SLC39A10: variants seen among roughly 807,000 people sequenced by gnomAD.
SLC39A10 encodes the protein solute carrier family 39 member 10.
A neutral mutation model predicts 65.1 loss-of-function variants in SLC39A10; 13 were observed. The observed-to-expected ratio is 0.20, with a 90% CI of 0.13 to 0.32. The LOEUF (loss-of-function observed/expected upper bound fraction) is 0.32, where lower values mean the gene tolerates loss of function less well. SLC39A10 is among the 10% of genes least tolerant of loss of function. The pLI, the probability that SLC39A10 is intolerant of heterozygous loss-of-function variation, is 1.00. For synonymous variants in SLC39A10, 321 were observed against 342.2 expected (o/e 0.94, Z 0.68); for missense variants, 831 against 1,018.4 (o/e 0.82, Z 2.50).
chr2:195,719,319 G>T (rs535609341), intron 8 of SLC39A10, among the ~76,000 whole-genome samples: 1 of 151,772 alleles, frequency 6.6e-6, no homozygotes, highest in Non-Finnish European at 1.5e-5. Flanking sequence ...TCTCCATCCC[G>T]ATTACGATGA....
intron 5 of SLC39A10, among the ~76,000 whole-genome samples, chr2:195,709,193 TTGTATGTATGTATGTATGTATGTATGTA>T (rs59346406): frequency 3.5e-5 from 5 of 144,916 alleles, no homozygotes; most frequent in Non-Finnish European, 6.0e-5. Flanking sequence ...CCCAGCTAAC[TTGTATGTATGTATGTATGTATGTATGTA>T]TGTATGTATG....
intron 1 of SLC39A10, among the ~76,000 whole-genome samples, chr2:195,663,791 C>CT (rs112204862): frequency 0.16 from 20,822 of 133,170 alleles, 1,781 homozygotes; most frequent in African/African-American, 0.24. Context: ...TAGTTTTTTT[C>CT]TTTTTTTTTT....
intron 3 of SLC39A10, among the ~76,000 whole-genome samples, chr2:195,689,014 C>T (rs1006520534): frequency 4.6e-5 from 7 of 152,098 alleles, no homozygotes; most frequent in Non-Finnish European, 2.9e-5. Context: ...TTTTCTGTGA[C>T]TCCACCTCTA....
chr2:195,675,613 C>T (rs1185445190), intron 1 of SLC39A10, among the ~76,000 whole-genome samples: 1 of 151,902 alleles, frequency 6.6e-6, no homozygotes, highest in East Asian at 1.9e-4. Context: ...TTTGAATCTT[C>T]AGTAGAGATG....
intron 8 of SLC39A10, among the ~76,000 whole-genome samples, chr2:195,722,060 TG>T (rs1401587720): frequency 8.5e-5 from 13 of 152,214 alleles, no homozygotes; most frequent in African/African-American, 3.1e-4. Context: ...GGGAAGCCCT[TG>T]ATACCCAATG....
At chr2:195,665,505 T>G (rs2105740032) in intron 1 of SLC39A10, among the ~76,000 whole-genome samples, 1 of 152,290 alleles carries the variant, frequency 6.6e-6, no homozygotes, top group East Asian at 1.9e-4. Context: ...AGACAAATGC[T>G]TGTGAAAATC....
rs1553509497 is a variant in SLC39A10 at position 195,737,224 on chromosome 2, A to AATCT, written c.*2184_*2187dup. On this transcript the variant is annotated 3_prime_UTR_variant, in exon 10 of 10. Coordinates refer to ENST00000359634, the MANE Select transcript of SLC39A10 (RefSeq NM_020342.3). ...TGTATAGTTTCAAGTCTTAATAGAC[A>AATCT]ATCTGAATTCCACTACATTTCTTTT... 1 of 152,654 alleles carries AATCT rather than the reference A, an allele frequency of 6.6e-6. No individual in the cohort carries two copies. Among genetic ancestry groups the AATCT allele is most frequent in the Non-Finnish European group, 1.5e-5 (1 of 68,056 alleles). 9.5% of individuals were successfully genotyped at this position (152,654 alleles called of 1,614,324 possible). A position where few individuals can be genotyped will look rare whatever the true frequency, so the allele number is the denominator to read the frequency against.
intron 3 of SLC39A10, among the ~76,000 whole-genome samples, chr2:195,687,028 A>G (rs1312972697): frequency 6.6e-6 from 1 of 152,226 alleles, no homozygotes; most frequent in Non-Finnish European, 1.5e-5. Flanking sequence ...CTCTCTGGTA[A>G]GATGAGTAAA....
rs200805801 is a variant in SLC39A10 at position 195,737,674 on chromosome 2, A to AAAAT, written c.*2637_*2640dup. 1,706 of 371,872 alleles carry AAAAT rather than the reference A, an allele frequency of 4.6e-3. 35 individuals carry two copies. Among genetic ancestry groups the AAAAT allele is most frequent in the African/African-American group, 0.032 (1,564 of 48,850 alleles). The allele number at this position is 371,872 out of a possible 1,614,324, so 23.0% of individuals were successfully genotyped here. A position where few individuals can be genotyped will look rare whatever the true frequency, so the allele number is the denominator to read the frequency against. On this transcript the variant is annotated 3_prime_UTR_variant, in exon 10 of 10. Transcript: ENST00000359634. ...TTCCTAATGCTTATGGAACTCCTCCAAAATAAAGTTACTCAAAGAGAGCAA... is the reference window on the plus strand; with the variant it reads ...TTCCTAATGCTTATGGAACTCCTCCAAAATAAATAAAGTTACTCAAAGAGAGCAA...
In SLC39A10 at chr2:195,713,478, A is replaced by T. The variant is rs777031895; in HGVS notation, c.1621A>T (p.Ile541Phe). 3 of 1,582,348 alleles carry T rather than the reference A, an allele frequency of 1.9e-6. No homozygotes were observed. The African/African-American group carries it at 4.1e-5, about 22-fold the overall frequency. The change falls in exon 6 of 10, where the codon ATT (isoleucine) becomes TTT (phenylalanine). Residue 541 changes from isoleucine (I) to phenylalanine (F), a missense_variant. Ile to Phe is a conservative substitution (Grantham distance 21, BLOSUM62 0). Transcript: ENST00000359634. The part of the protein sequence containing the change: ...FMKQNTEEST[I>F]GRKLSDHKLN... The stretch of plus-strand genomic sequence containing the variant: ...GAAACAGAACACAGAAGAATCAACT[A>T]TTGGAAGAAAGCTTTCAGATCACAA...
chr2:195,710,898 C>T (rs1341407231), intron 5 of SLC39A10, among the ~76,000 whole-genome samples: 1 of 152,044 alleles, frequency 6.6e-6, no homozygotes, highest in East Asian at 1.9e-4. Context: ...GGGATGCCAA[C>T]ACAGAAGGGG....
intron 9 of SLC39A10, among the ~76,000 whole-genome samples, chr2:195,732,027 A>G (rs1692448073): frequency 6.6e-6 from 1 of 152,214 alleles, no homozygotes; most frequent in Non-Finnish European, 1.5e-5. Context: ...GAAACTGTCC[A>G]CATATATTTT....
intron 1 of SLC39A10, chr2:195,674,702 T>C: frequency 1.1e-6 from 1 of 952,218 alleles, no homozygotes; most frequent in Non-Finnish European, 1.3e-6. Context: ...GGTGCAGGCT[T>C]AGGTGATTTT....
At chr2:195,720,543 CTG>C (rs1288256840) in intron 8 of SLC39A10, among the ~76,000 whole-genome samples, 1 of 152,220 alleles carries the variant, frequency 6.6e-6, no homozygotes, top group African/African-American at 2.4e-5. Flanking sequence ...TGTCATTTGA[CTG>C]TGCGTAATTG....
intron 2 of SLC39A10, among the ~76,000 whole-genome samples, chr2:195,647,133 T>C (rs1688939075): frequency 6.6e-6 from 1 of 152,190 alleles, no homozygotes. Context: ...GTCAGTTGGT[T>C]AGCAACTTTA....
chr2:195,622,341 G>A (rs1212915381), intron 2 of SLC39A10, among the ~76,000 whole-genome samples: 1 of 152,054 alleles, frequency 6.6e-6, no homozygotes, highest in African/African-American at 2.4e-5. Flanking sequence ...ACTCTAGCCT[G>A]GGCGACAAGA....
intron 2 of SLC39A10, among the ~76,000 whole-genome samples, chr2:195,634,850 C>A (rs2105700205): frequency 6.6e-6 from 1 of 152,170 alleles, no homozygotes; most frequent in African/African-American, 2.4e-5. Context: ...GAGTTCAAGA[C>A]CTGCCAGGCC....
intron 2 of SLC39A10, among the ~76,000 whole-genome samples, chr2:195,651,066 G>A (rs1300381197): frequency 1.3e-5 from 2 of 151,168 alleles, no homozygotes; most frequent in East Asian, 1.9e-4. Flanking sequence ...ATGAGACCCC[G>A]TCTCAAAAAA....
intron 9 of SLC39A10, among the ~76,000 whole-genome samples, chr2:195,733,730 A>G (rs772896173): frequency 3.9e-5 from 6 of 151,976 alleles, no homozygotes; most frequent in Admixed American, 6.5e-5. Flanking sequence ...GAGTTACTCT[A>G]TGTTGTTCAG....
Sources: allele counts gnomAD v4.1 joint callset (sites outside exome capture counted in the v4.1 genomes callset), GRCh38; gene constraint gnomAD v4.1.1; transcripts MANE v1.5; gene names NCBI Gene and HGNC (gene_info 2026-07-23, HGNC 2026-07-21).